RELN: variants seen among roughly 807,000 people sequenced by gnomAD.
The protein encoded by RELN is reelin.
RELN carries 108 observed loss-of-function variants against 427.6 expected under a neutral mutation model. That is an observed-to-expected ratio of 0.25 (90% CI 0.22 to 0.30). The LOEUF is 0.30. RELN is among the 10% of genes least tolerant of loss of function. RELN has a pLI of 1.00. For missense variants in RELN, 3,715 were observed against 4,302.8 expected, an observed-to-expected ratio of 0.86 and a Z score of 3.82; for synonymous variants, 1,524 against 1,513.4, an observed-to-expected ratio of 1.01 and a Z score of -0.16.
chr7:103,725,580 T>C (rs1790191784), intron 7 of RELN, among the ~76,000 whole-genome samples: 1 of 152,126 alleles, frequency 6.6e-6, no homozygotes, highest in Non-Finnish European at 1.5e-5. Context: ...AACATAATAG[T>C]AATAATTTAG....
chr7:103,849,862 TTCAA>T (rs1159987458), intron 2 of RELN, among the ~76,000 whole-genome samples: 2 of 152,208 alleles, frequency 1.3e-5, no homozygotes, highest in Non-Finnish European at 2.9e-5. Flanking sequence ...GAAAAAGTTT[TTCAA>T]CTCCTGACCA....
At chr7:103,502,022 G>A (rs1829046746) in intron 52 of RELN, among the ~76,000 whole-genome samples, 1 of 152,190 alleles carries the variant, frequency 6.6e-6, no homozygotes, top group South Asian at 2.1e-4. Context: ...CAGTGCCGTG[G>A]ACAGCAGATA....
Position 103,581,794 on chromosome 7 carries a change from C to T in RELN, c.4146-6089G>A, listed in dbSNP as rs185774421. Among the ~76,000 whole-genome samples the T allele has an allele frequency of 5.5e-4, 83 of 151,874 alleles. 3 individuals are homozygous for T. The East Asian group carries it at 9.5e-3, about 17-fold the overall frequency. On this transcript the variant is annotated intron_variant, in intron 28 of 64. Transcript: ENST00000428762. ...TTTCCTCTCTTGGAATGCTGGAGCCCGCCGAACTGAAAAATACTGAGATGA... is the reference window on the plus strand; with the variant it reads ...TTTCCTCTCTTGGAATGCTGGAGCCTGCCGAACTGAAAAATACTGAGATGA...
intron 3 of RELN, among the ~76,000 whole-genome samples, chr7:103,821,859 G>A (rs987570821): frequency 3.3e-5 from 5 of 152,032 alleles, no homozygotes; most frequent in African/African-American, 1.2e-4. Flanking sequence ...ATATATGTCA[G>A]CCTGGAAAAC....
At chr7:103,853,083 G>A (rs1020475422) in intron 2 of RELN, among the ~76,000 whole-genome samples, 1 of 152,014 alleles carries the variant, frequency 6.6e-6, no homozygotes, top group African/African-American at 2.4e-5. Context: ...TTGAGGCTAA[G>A]TGATTACAAA....
At chr7:103,831,673 C>A (rs918261432) in intron 3 of RELN, among the ~76,000 whole-genome samples, 8 of 152,078 alleles carry the variant, frequency 5.3e-5, no homozygotes, top group Admixed American at 2.6e-4. Context: ...GTTACAGAAT[C>A]TGTAAGGGAA....
At chr7:103,755,379 C>T (rs963781975) in intron 4 of RELN, among the ~76,000 whole-genome samples, 8 of 151,712 alleles carry the variant, frequency 5.3e-5, no homozygotes, top group East Asian at 1.9e-4. Flanking sequence ...GAGGCCGAGA[C>T]GGGCCGATCA....
chr7:103,500,164 G>A (rs78733801), intron 53 of RELN, among the ~76,000 whole-genome samples: 2,317 of 152,266 alleles, frequency 0.015, 62 homozygotes, highest in African/African-American at 0.053. Context: ...GAGTGCATAT[G>A]TGGCAACTGT....
chr7:103,602,191 C>T (rs1215943951), intron 24 of RELN, among the ~76,000 whole-genome samples: 7 of 152,204 alleles, frequency 4.6e-5, no homozygotes, highest in Admixed American at 4.6e-4. Flanking sequence ...TATTAACTCA[C>T]TTAATCTACA....
At chr7:103,579,040 G>A (rs148768815) in intron 28 of RELN, among the ~76,000 whole-genome samples, 172 of 152,232 alleles carry the variant, frequency 1.1e-3, no homozygotes, top group Admixed American at 4.0e-3. Context: ...TCTACAGCAC[G>A]CTAGGCACAG....
intron 4 of RELN, among the ~76,000 whole-genome samples, chr7:103,775,447 A>G (rs1440185504): frequency 6.6e-6 from 1 of 152,208 alleles, no homozygotes; most frequent in Admixed American, 6.5e-5. Flanking sequence ...TCATATTGTG[A>G]TCTATATAAC....
intron 27 of RELN, among the ~76,000 whole-genome samples, chr7:103,591,273 A>G (rs1831410013): frequency 6.6e-6 from 1 of 152,246 alleles, no homozygotes; most frequent in African/African-American, 2.4e-5. Context: ...GATTTTTAGA[A>G]GGAAAATTGA....
intron 4 of RELN, among the ~76,000 whole-genome samples, chr7:103,757,219 G>T (rs499953): frequency 0.54 from 82,331 of 151,910 alleles, 24,039 homozygotes; most frequent in Middle Eastern, 0.67. Context: ...ACTCTTTCCT[G>T]TATTAAATGT....
At chr7:103,850,022 T>C (rs13223726) in intron 2 of RELN, among the ~76,000 whole-genome samples, 21,198 of 152,176 alleles carry the variant, frequency 0.14, 1,814 homozygotes, top group South Asian at 0.33. Context: ...TCTCCATAAT[T>C]TCATAATACC....
At chr7:103,730,378 C>G (rs541493084) in intron 6 of RELN, among the ~76,000 whole-genome samples, 2 of 151,950 alleles carry the variant, frequency 1.3e-5, no homozygotes, top group African/African-American at 4.8e-5. Context: ...AACTGGATAA[C>G]TGTATAAAAG....
At chr7:103,798,020 C>T (rs1792351756) in intron 3 of RELN, among the ~76,000 whole-genome samples, 1 of 152,086 alleles carries the variant, frequency 6.6e-6, no homozygotes. Flanking sequence ...GTGATTTGTG[C>T]CTTTGGTCAG....
chr7:103,983,855 T>C (rs940760960), intron 1 of RELN, among the ~76,000 whole-genome samples: 1 of 126,470 alleles, frequency 7.9e-6, no homozygotes, highest in Non-Finnish European at 1.6e-5. Context: ...ACAAAGAACT[T>C]CATATTTCTG....
intron 2 of RELN, among the ~76,000 whole-genome samples, chr7:103,875,739 C>T (rs924481343): frequency 6.6e-6 from 1 of 151,918 alleles, no homozygotes; most frequent in African/African-American, 2.4e-5. Context: ...AGATTGCAAC[C>T]AGTTAAAACT....
intron 2 of RELN, among the ~76,000 whole-genome samples, chr7:103,892,223 G>T (rs1015709585): frequency 1.4e-4 from 21 of 152,120 alleles, no homozygotes; most frequent in African/African-American, 5.1e-4. Context: ...AAGCCTTATG[G>T]AGACAGTAGA....
Sources: gnomAD v4.1 joint callset for allele counts (sites outside exome capture counted in the v4.1 genomes callset) on GRCh38, gnomAD v4.1.1 for gene constraint, MANE v1.5 for transcripts, NCBI Gene and HGNC (gene_info 2026-07-23, HGNC 2026-07-21) for gene names.